The following SHANK2 variants were observed in gnomAD, a reference collection of about 807,000 sequenced individuals.
The protein encoded by SHANK2 is SH3 and multiple ankyrin repeat domains 2.
SHANK2 carries 43 observed loss-of-function variants against 133.7 expected under a neutral mutation model. The observed-to-expected ratio is 0.32, with a 90% CI of 0.25 to 0.41. SHANK2 has a LOEUF of 0.41. SHANK2 is among the 10% of genes least tolerant of loss of function. The pLI is 1.00. For synonymous variants in SHANK2, 1,017 were observed against 952.8 expected (o/e 1.07, Z -1.24); for missense variants, 1,994 against 2,235.8 (o/e 0.89, Z 2.18).
At chr11:70,940,498 C>A (rs1555084225) in intron 10 of SHANK2, among the ~76,000 whole-genome samples, 4 of 151,812 alleles carry the variant, frequency 2.6e-5, no homozygotes, top group Non-Finnish European at 4.4e-5. Context: ...CGTGATCCAC[C>A]CACCTTGGCC....
chr11:70,648,184 A>G (rs2134196111), intron 17 of SHANK2, among the ~76,000 whole-genome samples: 1 of 152,338 alleles, frequency 6.6e-6, no homozygotes, highest in Non-Finnish European at 1.5e-5. Context: ...GTGGGTGGAA[A>G]ATGCCCGGAA....
intron 14 of SHANK2, among the ~76,000 whole-genome samples, chr11:70,716,895 G>GC (rs60827522): frequency 0.082 from 11,275 of 137,162 alleles, 420 homozygotes; most frequent in African/African-American, 0.15. Context: ...GGGTCCCGGA[G>GC]CCCCCCCCCC....
At chr11:71,153,168 A>G (rs1218161723) in intron 2 of SHANK2, among the ~76,000 whole-genome samples, 1 of 152,094 alleles carries the variant, frequency 6.6e-6, no homozygotes. Flanking sequence ...GAATGAAAGC[A>G]AAGCCGAAGA....
chr11:70,552,986 G>T (rs1381054751), intron 17 of SHANK2, among the ~76,000 whole-genome samples: 2 of 152,122 alleles, frequency 1.3e-5, no homozygotes, highest in African/African-American at 4.8e-5. Flanking sequence ...CTTCCCCCGT[G>T]TCCTCATGTG....
chr11:71,236,971 C>G (rs570247766), intron 1 of SHANK2, among the ~76,000 whole-genome samples: 1 of 152,328 alleles, frequency 6.6e-6, no homozygotes, highest in Non-Finnish European at 1.5e-5. Context: ...GGTGGGACTG[C>G]GCTGCGGGCC....
chr11:70,531,306 G>A (rs1219487923), intron 17 of SHANK2, among the ~76,000 whole-genome samples: 1 of 152,212 alleles, frequency 6.6e-6, no homozygotes, highest in Non-Finnish European at 1.5e-5. Context: ...GTGCCTCTCT[G>A]GGCCTTTGCA....
At chr11:70,565,420 A>G (rs2059956635) in intron 17 of SHANK2, among the ~76,000 whole-genome samples, 1 of 151,982 alleles carries the variant, frequency 6.6e-6, no homozygotes, top group South Asian at 2.1e-4. Context: ...TAATTTTTGT[A>G]TTTTTGTAGT....
intron 17 of SHANK2, among the ~76,000 whole-genome samples, chr11:70,583,765 C>T (rs899690681): frequency 7.9e-5 from 12 of 152,298 alleles, no homozygotes; most frequent in African/African-American, 2.9e-4. Context: ...TTTGTCCACC[C>T]AGTGGCCAGA....
chr11:70,578,623 G>A (rs935630843), intron 17 of SHANK2, among the ~76,000 whole-genome samples: 9 of 152,138 alleles, frequency 5.9e-5, no homozygotes, highest in African/African-American at 1.9e-4. Flanking sequence ...CCTGGGCCAC[G>A]TCTCACAGGC....
intron 17 of SHANK2, among the ~76,000 whole-genome samples, chr11:70,611,930 C>T (rs1013988002): frequency 9.4e-5 from 12 of 127,578 alleles, no homozygotes; most frequent in East Asian, 2.7e-4. Context: ...CGAGAAGCCT[C>T]GTTCCAAATT....
At chr11:70,875,827 G>A (rs1438408034) in intron 11 of SHANK2, among the ~76,000 whole-genome samples, 2 of 150,616 alleles carry the variant, frequency 1.3e-5, no homozygotes, top group Non-Finnish European at 2.9e-5. Context: ...CTGCACACCA[G>A]CTGGGGTGAC....
At chr11:70,683,864 A>G (rs1945086483) in intron 15 of SHANK2, among the ~76,000 whole-genome samples, 1 of 151,778 alleles carries the variant, frequency 6.6e-6, no homozygotes, top group African/African-American at 2.4e-5. Flanking sequence ...GCTCACTGCA[A>G]ACTCCGCCTC....
At chr11:70,755,914 G>A (rs1359879190) in intron 14 of SHANK2, among the ~76,000 whole-genome samples, 7 of 152,136 alleles carry the variant, frequency 4.6e-5, no homozygotes, top group African/African-American at 1.4e-4. Flanking sequence ...ATGGCTTTCC[G>A]TTGCCCAGCT....
intron 17 of SHANK2, among the ~76,000 whole-genome samples, chr11:70,589,988 C>T (rs1431775726): frequency 2.0e-5 from 3 of 152,154 alleles, no homozygotes; most frequent in Non-Finnish European, 4.4e-5. Flanking sequence ...CCCGTCTCTA[C>T]TAAAAATACA....
chr11:71,114,940 G>A (rs1403835740), intron 4 of SHANK2, among the ~76,000 whole-genome samples: 2 of 152,242 alleles, frequency 1.3e-5, no homozygotes, highest in East Asian at 1.9e-4. Flanking sequence ...AGGAGGGAGT[G>A]TTTATTCCAG....
chr11:70,934,032 G>C (rs1950537324), intron 10 of SHANK2, among the ~76,000 whole-genome samples: 1 of 151,870 alleles, frequency 6.6e-6, no homozygotes, highest in South Asian at 2.1e-4. Flanking sequence ...GGGAGTTTGA[G>C]ACCAGCCTGG....
intron 11 of SHANK2, among the ~76,000 whole-genome samples, chr11:70,822,745 G>C (rs1244924962): frequency 1.6e-5 from 2 of 128,888 alleles, no homozygotes; most frequent in African/African-American, 3.1e-5. Context: ...AGGTCATGGG[G>C]GACAGAGGTG....
At chr11:70,885,712 C>A (rs1949730658) in intron 11 of SHANK2, among the ~76,000 whole-genome samples, 1 of 152,186 alleles carries the variant, frequency 6.6e-6, no homozygotes, top group Non-Finnish European at 1.5e-5. Context: ...TCCACAATTG[C>A]CCCGGGAGCA....
intron 2 of SHANK2, among the ~76,000 whole-genome samples, chr11:71,148,430 C>G (rs368628488): frequency 1.3e-5 from 2 of 152,310 alleles, no homozygotes; most frequent in East Asian, 3.9e-4. Flanking sequence ...AACAGCCATC[C>G]ACTATTTGGT....
Sources: allele counts gnomAD v4.1 joint callset (sites outside exome capture counted in the v4.1 genomes callset), GRCh38; gene constraint gnomAD v4.1.1; transcripts MANE v1.5; gene names NCBI Gene and HGNC (gene_info 2026-07-23, HGNC 2026-07-21).